Variants in ZC3H8 observed in about 807,000 individuals in gnomAD.
ZC3H8 encodes the protein zinc finger CCCH domain-containing protein 8.
In ZC3H8, 27 loss-of-function variants were observed where a neutral mutation model predicts 42.5. The observed-to-expected ratio is 0.64, with a 90% CI of 0.47 to 0.88. The LOEUF is 0.88. ZC3H8 is among the 40% of genes least tolerant of loss of function. The pLI is 0.00. For synonymous variants in ZC3H8, 101 were observed against 110.1 expected, an observed-to-expected ratio of 0.92 and a Z score of 0.52; for missense variants, 277 against 336.1, an observed-to-expected ratio of 0.82 and a Z score of 1.37.
intron 8 of ZC3H8, among the ~76,000 whole-genome samples, chr2:112,221,573 T>C (rs1470725963): frequency 1.3e-5 from 2 of 152,150 alleles, no homozygotes; most frequent in Non-Finnish European, 2.9e-5. Context: ...TTATTGTTTT[T>C]ACTTTATTTT....
intron 8 of ZC3H8, 27 bp from the exon 9 acceptor site, chr2:112,216,495 C>T (rs1266024540): frequency 1.3e-5 from 2 of 152,192 alleles, no homozygotes; most frequent in Non-Finnish European, 2.9e-5. Context: ...AGAACAAAAA[C>T]ACATCAGCTC....
At chr2:112,232,186 C>T (rs570801827) in intron 6 of ZC3H8, among the ~76,000 whole-genome samples, 79 of 152,062 alleles carry the variant, frequency 5.2e-4, no homozygotes, top group Non-Finnish European at 9.6e-4. Flanking sequence ...GTGGCGCAGG[C>T]ATGCCTGTAA....
At chr2:112,250,785 C>CA (rs1345164211) in intron 1 of ZC3H8, among the ~76,000 whole-genome samples, 1 of 151,926 alleles carries the variant, frequency 6.6e-6, no homozygotes. Context: ...ATGAGTTAGC[C>CA]AAAAAAGAGG....
chr2:112,252,631 G>A (rs1685989272), intron 1 of ZC3H8, among the ~76,000 whole-genome samples: 2 of 151,800 alleles, frequency 1.3e-5, no homozygotes, highest in Admixed American at 6.6e-5. Context: ...CCAGTACCTC[G>A]CAGACTTCCA....
rs1431176004 is a variant in ZC3H8 at position 112,213,773 on chromosome 2, C to T, written c.*2711G>A. On this transcript the variant is annotated 3_prime_UTR_variant, in exon 9 of 9. Coordinates refer to ENST00000409573, the MANE Select transcript of ZC3H8 (RefSeq NM_032494.3). ...CCTGGGCGACAGAGCGAGACTCCGT[C>T]TCAAAAAAAAAAAAAAAAAAAAAAA... The T allele has an allele frequency of 1.5e-4, 4 of 26,074 alleles. No homozygotes were observed. Among genetic ancestry groups the T allele is most frequent in the Non-Finnish European group, 2.4e-4 (4 of 16,734 alleles). The allele number at this position is 26,074 out of a possible 1,614,324, so 1.6% of individuals were successfully genotyped here.
chr2:112,217,171 C>G (rs1171149239), intron 8 of ZC3H8, among the ~76,000 whole-genome samples: 5 of 152,082 alleles, frequency 3.3e-5, no homozygotes, highest in African/African-American at 9.7e-5. Flanking sequence ...GAGTTCGAGA[C>G]CAGCCTGGCC....
chr2:112,217,200 T>A (rs1251801267), intron 8 of ZC3H8, among the ~76,000 whole-genome samples: 1 of 151,964 alleles, frequency 6.6e-6, no homozygotes, highest in Non-Finnish European at 1.5e-5. Flanking sequence ...GAAACCCCAC[T>A]TCTACCAAAA....
Position 112,231,897 on chromosome 2 carries a change from C to A in ZC3H8, c.784G>T (p.Glu262Ter). ...GGAGCATGAGAAAACTTGCAGTATTCTCCCTGATAACATTTTGTTCCTGTA... is the reference window on the plus strand; with the variant it reads ...GGAGCATGAGAAAACTTGCAGTATTATCCCTGATAACATTTTGTTCCTGTA... The part of the protein sequence containing the change: ...YHTGTKCYQG[E>*]YCKFSHAPLT... The change falls in exon 7 of 9, where the codon GAA becomes TAA. Residue 262 changes from glutamate (E) to a stop codon, truncating the protein, a stop_gained. Transcript: ENST00000409573. LOFTEE classifies it high-confidence loss of function. The A allele has an allele frequency of 6.3e-7, 1 of 1,589,984 alleles. No homozygotes were observed. The highest frequency in any genetic ancestry group is 8.6e-7 in the Non-Finnish European group (1 of 1,164,724).
intron 2 of ZC3H8, among the ~76,000 whole-genome samples, chr2:112,246,554 G>A (rs1339162302): frequency 1.3e-5 from 2 of 152,218 alleles, no homozygotes; most frequent in African/African-American, 4.8e-5. Flanking sequence ...AGTAGACGAA[G>A]TAATTGCAGG....
chr2:112,226,589 CAAA>C (rs549996878), intron 8 of ZC3H8, among the ~76,000 whole-genome samples: 3 of 74,190 alleles, frequency 4.0e-5, no homozygotes, highest in African/African-American at 1.2e-4. Flanking sequence ...GACTCCATCT[CAAA>C]AAAAAAAAAA....
intron 2 of ZC3H8, among the ~76,000 whole-genome samples, chr2:112,249,304 C>T (rs1685863659): frequency 6.6e-6 from 1 of 152,148 alleles, no homozygotes; most frequent in Non-Finnish European, 1.5e-5. Flanking sequence ...CCAAAGATTG[C>T]CAGCATTCCA....
intron 8 of ZC3H8, among the ~76,000 whole-genome samples, chr2:112,216,677 C>T (rs557812826): frequency 4.0e-4 from 49 of 122,392 alleles, no homozygotes; most frequent in African/African-American, 1.6e-3. Flanking sequence ...AAGATTAGAA[C>T]TGAAGCAAAA....
chr2:112,219,023 A>G (rs535631244), intron 8 of ZC3H8, among the ~76,000 whole-genome samples: 1 of 152,320 alleles, frequency 6.6e-6, no homozygotes, highest in South Asian at 2.1e-4. Context: ...TGTTATTACT[A>G]CCCAAAGCAA....
intron 3 of ZC3H8, among the ~76,000 whole-genome samples, chr2:112,237,215 C>G (rs2104659131): frequency 6.6e-6 from 1 of 152,178 alleles, no homozygotes; most frequent in Middle Eastern, 3.4e-3. Context: ...CCTGGATTCC[C>G]CATTCATTGT....
intron 5 of ZC3H8, 106 bp from the exon 6 acceptor site, chr2:112,233,477 C>A: frequency 2.6e-6 from 2 of 756,564 alleles, no homozygotes; most frequent in Non-Finnish European, 4.4e-6. Flanking sequence ...CAGAAAGAAC[C>A]AAAGTCTTAG....
intron 8 of ZC3H8, among the ~76,000 whole-genome samples, chr2:112,222,875 A>G (rs572253071): frequency 1.3e-5 from 2 of 152,362 alleles, no homozygotes; most frequent in South Asian, 4.1e-4. Context: ...TCAAAACTAT[A>G]TGAATGAACT....
chr2:112,236,765 G>A (rs1333535026), intron 3 of ZC3H8, 70 bp from the exon 4 acceptor site: 2 of 1,388,176 alleles, frequency 1.4e-6, no homozygotes, highest in East Asian at 2.5e-5. Flanking sequence ...AGAAGTACGG[G>A]GCCAGGTGCA....
chr2:112,254,575 G>C (rs1217209707), intron 1 of ZC3H8, among the ~76,000 whole-genome samples: 1 of 152,238 alleles, frequency 6.6e-6, no homozygotes, highest in Non-Finnish European at 1.5e-5. Context: ...CAGACGCTAC[G>C]GGACCACAGA....
chr2:112,238,151 A>G (rs72831658), intron 3 of ZC3H8, among the ~76,000 whole-genome samples, 164 bp downstream of exon 3: 16,333 of 152,232 alleles, frequency 0.11, 1,185 homozygotes, highest in Non-Finnish European at 0.16. Flanking sequence ...GCCAGGTCTC[A>G]GATGGGGTCT....
Sources: allele counts gnomAD v4.1 joint callset (sites outside exome capture counted in the v4.1 genomes callset), GRCh38; gene constraint gnomAD v4.1.1; transcripts MANE v1.5; gene names NCBI Gene and HGNC (gene_info 2026-07-23, HGNC 2026-07-21).